The following SIPA1L1 variants were observed in gnomAD, a reference collection of about 807,000 sequenced individuals.
SIPA1L1 encodes signal-induced proliferation-associated 1-like protein 1.
In SIPA1L1, 26 loss-of-function variants were observed where a neutral mutation model predicts 162.7. The observed-to-expected ratio is 0.16, with a 90% CI of 0.12 to 0.22. The LOEUF (loss-of-function observed/expected upper bound fraction) is 0.22, where lower values mean the gene tolerates loss of function less well. SIPA1L1 is among the 10% of genes least tolerant of loss of function. The pLI is 1.00. For synonymous variants in SIPA1L1, 829 were observed against 837.4 expected, an observed-to-expected ratio of 0.99 and a Z score of 0.17; for missense variants, 1,874 against 2,241.0, an observed-to-expected ratio of 0.84 and a Z score of 3.31.
At chr14:71,579,920 A>G (rs533835870) in intron 4 of SIPA1L1, among the ~76,000 whole-genome samples, 2 of 152,304 alleles carry the variant, frequency 1.3e-5, no homozygotes, top group East Asian at 3.9e-4. Flanking sequence ...CGTTTCCTAC[A>G]TACTTGTCTT....
intron 2 of SIPA1L1, among the ~76,000 whole-genome samples, chr14:71,340,230 A>G (rs2035507433): frequency 1.3e-5 from 2 of 152,154 alleles, no homozygotes; most frequent in African/African-American, 4.8e-5. Context: ...GCCCAAATGG[A>G]AAGTCAGGGA....
intron 12 of SIPA1L1, among the ~76,000 whole-genome samples, chr14:71,684,502 A>G (rs1366058509): frequency 6.6e-6 from 1 of 152,260 alleles, no homozygotes; most frequent in Non-Finnish European, 1.5e-5. Flanking sequence ...GTGGCTACAC[A>G]GCACTTGTGA....
At chr14:71,580,909 CAT>C (rs984961674) in intron 4 of SIPA1L1, among the ~76,000 whole-genome samples, 3 of 152,206 alleles carry the variant, frequency 2.0e-5, no homozygotes, top group African/African-American at 7.2e-5. Context: ...AGAAATTACT[CAT>C]AATCAAAAGA....
At chr14:71,378,954 C>G (rs1318332936) in intron 2 of SIPA1L1, among the ~76,000 whole-genome samples, 1 of 152,126 alleles carries the variant, frequency 6.6e-6, no homozygotes, top group Non-Finnish European at 1.5e-5. Context: ...TCTGGATGAT[C>G]TGTTTGGGCC....
At chr14:71,420,724 C>T (rs2043129052) in intron 2 of SIPA1L1, among the ~76,000 whole-genome samples, 2 of 151,724 alleles carry the variant, frequency 1.3e-5, no homozygotes. Context: ...CTGTCTTTCT[C>T]CTGCTTTTGT....
intron 5 of SIPA1L1, among the ~76,000 whole-genome samples, chr14:71,617,567 T>C (rs2038971182): frequency 6.6e-6 from 1 of 152,266 alleles, no homozygotes; most frequent in Non-Finnish European, 1.5e-5. Flanking sequence ...CTTTTGTAAT[T>C]GTGCTTTAGT....
At chr14:71,360,931 C>T (rs529955261) in intron 2 of SIPA1L1, among the ~76,000 whole-genome samples, 1 of 152,178 alleles carries the variant, frequency 6.6e-6, no homozygotes, top group East Asian at 1.9e-4. Flanking sequence ...GGTAGTAAGA[C>T]ATCATATTTT....
At chr14:71,697,604 A>G (rs1297690392) in intron 13 of SIPA1L1, among the ~76,000 whole-genome samples, 2 of 152,238 alleles carry the variant, frequency 1.3e-5, no homozygotes. Flanking sequence ...TTGCTGGTGA[A>G]AGGTGTCCAG....
Position 71,724,687 on chromosome 14 carries a change from G to A in SIPA1L1, c.4466G>A (p.Gly1489Asp). Reference protein sequence around the residue: ...MDTRKRHQSDGNEIAHTRLRA... With the variant: ...MDTRKRHQSDDNEIAHTRLRA... Reference sequence around the variant, plus strand: ...TTGTCCAGGCGTCATCAGAGCGATGGCAATGAAATAGCCCACACCAGGCTG... The same window carrying A: ...TTGTCCAGGCGTCATCAGAGCGATGACAATGAAATAGCCCACACCAGGCTG... The change falls in exon 19 of 24, where the codon GGC (glycine) becomes GAC (aspartate). Residue 1489 changes from glycine to aspartate, a missense_variant. Around this residue, in one of 5 missense-constraint regions of SIPA1L1, gnomAD observed 936 missense variants for 1,051.9 expected, o/e 0.89. Transcript: ENST00000381232. 6.2e-7 allele frequency: 1 copy of A among 1,613,356 alleles called. No individual in the cohort carries two copies. The highest frequency in any genetic ancestry group is 1.3e-5 in the African/African-American group (1 of 74,932).
chr14:71,582,790 C>T (rs1337811205), intron 4 of SIPA1L1, among the ~76,000 whole-genome samples: 1 of 152,176 alleles, frequency 6.6e-6, no homozygotes, highest in Non-Finnish European at 1.5e-5. Flanking sequence ...ACTCTTCCTG[C>T]TTTTTGTTGA....
At position 71,588,727 on chromosome 14, in the gene SIPA1L1, T is replaced by A; in HGVS notation, c.855T>A (p.Arg285=). 6 of 1,613,996 alleles carry A rather than the reference T, an allele frequency of 3.7e-6. No homozygotes were observed. Among genetic ancestry groups the A allele is most frequent in the Non-Finnish European group, 5.1e-6 (6 of 1,179,960 alleles). The change falls in exon 5 of 24, where the codon CGT becomes CGA. Residue 285 remains arginine (R), a synonymous_variant. Transcript: ENST00000381232. This position sits in a 1 kb window ranked among gnomAD's most constrained non-coding sequence, Gnocchi z 4.3. ...FKEREKPLKR[R]SKSETGDSSI... ...AAAGGGAAAAACCACTCAAGCGACGTTCAAAATCTGAAACTGGAGACTCAT... is the reference window on the plus strand; with the variant it reads ...AAAGGGAAAAACCACTCAAGCGACGATCAAAATCTGAAACTGGAGACTCAT...
At chr14:71,438,016 C>T (rs1016243781) in intron 2 of SIPA1L1, among the ~76,000 whole-genome samples, 1 of 152,136 alleles carries the variant, frequency 6.6e-6, no homozygotes, top group African/African-American at 2.4e-5. Flanking sequence ...TACCTTCTGT[C>T]ACCCTTGTTA....
intron 5 of SIPA1L1, among the ~76,000 whole-genome samples, chr14:71,593,326 C>G (rs1353037627): frequency 3.3e-5 from 5 of 152,112 alleles, no homozygotes; most frequent in African/African-American, 1.2e-4. Flanking sequence ...ATTCTCGTGC[C>G]TCAGCCTCCC....
chr14:71,590,035 AAAAAAAAAAATATATAT>A lies in SIPA1L1; in HGVS notation c.1498+667_1498+683del, dbSNP rs1329415344. Among the ~76,000 whole-genome samples the A allele has an allele frequency of 1.4e-3, 119 of 85,282 alleles. 1 individual carries two copies. The South Asian group carries it at 0.029, about 21-fold the overall frequency. The allele number at this position is 85,282 out of a possible 152,430, so 55.9% of individuals were successfully genotyped here. On this transcript the variant is annotated intron_variant, in intron 5 of 23. Transcript: ENST00000381232. ...GAGTGGGAGAGTAAAAAAAAAAAAA[AAAAAAAAAAATATATAT>A]ATATATATATATATATATATATATG...
At chr14:71,408,524 C>T (rs1450148033) in intron 2 of SIPA1L1, among the ~76,000 whole-genome samples, 3 of 152,172 alleles carry the variant, frequency 2.0e-5, no homozygotes, top group Non-Finnish European at 2.9e-5. Flanking sequence ...TTGGGCCTGA[C>T]TTGGTAGCCT....
intron 2 of SIPA1L1, among the ~76,000 whole-genome samples, chr14:71,348,940 A>G (rs1440829093): frequency 6.6e-6 from 1 of 152,228 alleles, no homozygotes; most frequent in Non-Finnish European, 1.5e-5. Context: ...CAGTTGGGAA[A>G]CTTCGAGAAC....
intron 19 of SIPA1L1, 26 bp from the exon 20 acceptor site, chr14:71,730,029 T>C (rs748506035): frequency 6.2e-7 from 1 of 1,603,042 alleles, no homozygotes; most frequent in Non-Finnish European, 8.5e-7. Flanking sequence ...AAATTGACTT[T>C]CTTTTGTCTT....
At chr14:71,553,354 GT>G (rs2056049729) in intron 4 of SIPA1L1, among the ~76,000 whole-genome samples, 1 of 152,140 alleles carries the variant, frequency 6.6e-6, no homozygotes, top group Non-Finnish European at 1.5e-5. Flanking sequence ...TTCTTTCAGT[GT>G]TTCTATATTT....
At chr14:71,590,387 A>T (rs2035233842) in intron 5 of SIPA1L1, among the ~76,000 whole-genome samples, 1 of 151,932 alleles carries the variant, frequency 6.6e-6, no homozygotes, top group South Asian at 2.1e-4. Context: ...AGCTATTCTC[A>T]CAGTGTTTTG....
Sources: allele counts gnomAD v4.1 joint callset (sites outside exome capture counted in the v4.1 genomes callset), GRCh38; gene constraint gnomAD v4.1.1; regional missense constraint gnomAD v4.1.1; non-coding constraint Gnocchi (gnomAD v3.1); transcripts MANE v1.5; gene names NCBI Gene and HGNC (gene_info 2026-07-23, HGNC 2026-07-21).